Variants in ZNF394 observed in about 807,000 individuals in gnomAD.
ZNF394 encodes zinc finger protein 99.
A neutral mutation model predicts 21.8 loss-of-function variants in ZNF394; 19 were observed. The observed-to-expected ratio is 0.87, with a 90% CI of 0.61 to 1.28. The LOEUF (loss-of-function observed/expected upper bound fraction) is 1.28. Among genes scored for constraint, ZNF394 ranks in the 50% most tolerant of loss-of-function variants. The pLI is 0.00. For synonymous variants in ZNF394, 294 were observed against 273.3 expected (o/e 1.08, Z -0.75); for missense variants, 683 against 708.6 (o/e 0.96, Z 0.41).
Position 99,486,666 on chromosome 7 carries a change from G to C in ZNF394, n.381C>G, listed in dbSNP as rs139820028. Reference sequence around the variant, plus strand: ...CTACTAGTGGTGATGAATACAGCAGGGGCTTCCTTCAAAACCTTAACCTTA... The same window carrying C: ...CTACTAGTGGTGATGAATACAGCAGCGGCTTCCTTCAAAACCTTAACCTTA... On this transcript the variant is annotated non_coding_transcript_exon_variant, in exon 2 of 2. Coordinates refer to the ZNF394 transcript ENST00000462024. 44 of 1,614,018 alleles carry C rather than the reference G, an allele frequency of 2.7e-5. No individual in the cohort carries two copies. Among genetic ancestry groups the C allele is most frequent in the African/African-American group, 4.0e-5 (3 of 74,894 alleles).
chr7:99,491,214 T>C (rs1204661822), downstream of ZNF394, among the ~76,000 whole-genome samples: 1 of 152,178 alleles, frequency 6.6e-6, no homozygotes, highest in Non-Finnish European at 1.5e-5. Flanking sequence ...GATTCTTATG[T>C]TCTATTTTAT....
At chr7:99,491,759 G>GAGGA (rs540866996), downstream of ZNF394, among the ~76,000 whole-genome samples, 1 of 113,284 alleles carries the variant, frequency 8.8e-6, no homozygotes, top group African/African-American at 3.7e-5. Flanking sequence ...CTGGGCGACA[G>GAGGA]AGAATCTGTC....
At chr7:99,490,624 CTTTT>C (rs35117471), downstream of ZNF394, among the ~76,000 whole-genome samples, 7 of 141,176 alleles carry the variant, frequency 5.0e-5, no homozygotes, top group African/African-American at 1.3e-4. Flanking sequence ...AAAGTGAGAC[CTTTT>C]TTTTTTTTTT....
Position 99,499,876 on chromosome 7 carries a change from T to C in ZNF394, c.218A>G (p.Gln73Arg). The change falls in exon 1 of 3, where the codon CAG becomes CGG. Residue 73 changes from glutamine (Q) to arginine (R), a missense_variant. Coordinates refer to ENST00000337673, the MANE Select transcript of ZNF394 (RefSeq NM_032164.4). ...SRLHFRQLRYQEVAGPEEALS... is the reference protein window; with the variant it reads ...SRLHFRQLRYREVAGPEEALS... ...CGCCTCTTCCGGTCCAGCCACCTCCTGGTAACGCAGCTGCCTAAAGTGCAG... is the reference window on the plus strand; with the variant it reads ...CGCCTCTTCCGGTCCAGCCACCTCCCGGTAACGCAGCTGCCTAAAGTGCAG... 1.2e-6 allele frequency: 2 copies of C among 1,614,162 alleles called. No individual in the cohort carries two copies. The highest frequency in any genetic ancestry group is 1.1e-5 in the South Asian group (1 of 91,088).
Position 99,493,529 on chromosome 7 carries a change from T to C in ZNF394, c.1686A>G (p.Ter562=), listed in dbSNP as rs202201067. ...GCCTTGGCCTCCCAAAGTGCTGGGATTATAGGCGTGAGCCACCACGCCCAG... is the reference window on the plus strand; with the variant it reads ...GCCTTGGCCTCCCAAAGTGCTGGGACTATAGGCGTGAGCCACCACGCCCAG... ...LSAGRGGSRL[*] Residue 562 remains the stop codon, a stop_retained_variant, in exon 3 of 3, where the codon TAA becomes TAG. Coordinates refer to ENST00000337673, the MANE Select transcript of ZNF394 (RefSeq NM_032164.4). The C allele has an allele frequency of 6.7e-4, 1,066 of 1,595,372 alleles. 15 individuals are homozygous for C. The South Asian group carries it at 8.5e-3, about 13-fold the overall frequency.
chr7:99,494,129 G>C lies in ZNF394; in HGVS notation c.1086C>G (p.Asn362Lys). The C allele has an allele frequency of 6.2e-7, 1 of 1,614,238 alleles. No individual in the cohort carries two copies. Among genetic ancestry groups the C allele is most frequent in the Non-Finnish European group, 8.5e-7 (1 of 1,180,046 alleles). Reference sequence around the variant, plus strand: ...AGCGTTGTTTGAAACTCTTCCCACAGTTACCACATTTATAAGGTCTTTCTT... The same window carrying C: ...AGCGTTGTTTGAAACTCTTCCCACACTTACCACATTTATAAGGTCTTTCTT... ...LHEERPYKCG[N>K]CGKSFKQRSD... The change falls in exon 3 of 3, where the codon AAC becomes AAG. Residue 362 changes from asparagine (N) to lysine (K), a missense_variant. This residue lies in a region of ZNF394 where 274 missense variants were observed against 314.1 expected (regional missense o/e 0.87). Coordinates refer to ENST00000337673, the MANE Select transcript of ZNF394 (RefSeq NM_032164.4).
At chr7:99,488,467 A>G (rs557877758), downstream of ZNF394, among the ~76,000 whole-genome samples, 92 of 151,020 alleles carry the variant, frequency 6.1e-4, no homozygotes, top group Non-Finnish European at 9.9e-4. Flanking sequence ...ACACCACTGC[A>G]CTCCAGCCTC....
intron 2 of ZNF394, 43 bp from the exon 3 acceptor site, chr7:99,494,674 C>T: frequency 2.0e-6 from 3 of 1,528,386 alleles, no homozygotes; most frequent in Non-Finnish European, 1.8e-6. Context: ...CATCCCTGTG[C>T]AACACAGAAA....
At position 99,493,501 on chromosome 7, in the gene ZNF394, C is replaced by T; in HGVS notation, c.*28G>A. ...CAAACTCCTGATCTCAAATGATCTG[C>T]CTGCCTTGGCCTCCCAAAGTGCTGG... On this transcript the variant is annotated 3_prime_UTR_variant, in exon 3 of 3. Coordinates refer to ENST00000337673, the MANE Select transcript of ZNF394 (RefSeq NM_032164.4). 3.3e-6 allele frequency: 5 copies of T among 1,531,798 alleles called. No individual in the cohort carries two copies. Among genetic ancestry groups the T allele is most frequent in the African/African-American group, 1.4e-5 (1 of 72,486 alleles). The allele number at this position is 1,531,798 out of a possible 1,614,324, so 94.9% of individuals were successfully genotyped here.
chr7:99,489,456 G>A (rs557750271), downstream of ZNF394, among the ~76,000 whole-genome samples: 40 of 152,118 alleles, frequency 2.6e-4, no homozygotes, highest in Non-Finnish European at 7.4e-5. Flanking sequence ...ACCAATCATC[G>A]ATGGGAATTT....
chr7:99,497,122 G>GTGTGTGTGTGTGTA (rs1322382800), intron 2 of ZNF394, among the ~76,000 whole-genome samples: 11 of 79,438 alleles, frequency 1.4e-4, no homozygotes, highest in African/African-American at 8.1e-4. Flanking sequence ...GTGTGTGTGT[G>GTGTGTGTGTGTGTA]TATATATATA....
At chr7:99,487,165 G>C in intron 1 of ZNF394, 1 of 1,614,156 alleles carries the variant, frequency 6.2e-7, no homozygotes, top group South Asian at 1.1e-5. Flanking sequence ...CCTTGAGTGT[G>C]GAAAAGCCTT....
chr7:99,487,554 G>T, intron 1 of ZNF394: 1 of 1,511,704 alleles, frequency 6.6e-7, no homozygotes, highest in Non-Finnish European at 8.9e-7. Context: ...TGTGTATCAC[G>T]TAATTGTTTC....
intron 1 of ZNF394, among the ~76,000 whole-genome samples, chr7:99,488,098 G>C (rs1034720947): frequency 1.4e-5 from 2 of 143,766 alleles, no homozygotes; most frequent in African/African-American, 5.4e-5. Flanking sequence ...AAAAAACAGA[G>C]AAAAGGTTAT....
rs749634853 is a variant in ZNF394, at chr7:99,494,596, G to C, written c.619C>G (p.Pro207Ala). 1.1e-5 allele frequency: 18 copies of C among 1,602,194 alleles called. No homozygotes were observed. Among genetic ancestry groups the C allele is most frequent in the Non-Finnish European group, 1.4e-5 (17 of 1,176,396 alleles). The change falls in exon 3 of 3, where the codon CCA becomes GCA. Residue 207 changes from proline (P) to alanine (A), a missense_variant. By Grantham distance (27) the Pro-to-Ala change is conservative. Around this residue, in one of 3 missense-constraint regions of ZNF394, gnomAD observed 402 missense variants for 373.8 expected, o/e 1.08. Transcript: ENST00000337673. ...ESRVENKELI[P>A]MQQILEEAEP... ...GCTTCTTCTAAAATTTGTTGCATTGGAATCAACTCTTTGTTCTCCACTCTG... is the reference window on the plus strand; with the variant it reads ...GCTTCTTCTAAAATTTGTTGCATTGCAATCAACTCTTTGTTCTCCACTCTG...
chr7:99,499,925 A>G lies in ZNF394; in HGVS notation c.169T>C (p.Ser57Pro), dbSNP rs1800466153. 1 of 1,614,084 alleles carries G rather than the reference A, an allele frequency of 6.2e-7. No individual in the cohort carries two copies. The part of the protein sequence containing the change: ...GSWEPNYPAA[S>P]PDPETSRLHF... ...AGTCGAGAAGTTTCGGGGTCCGGCG[A>G]AGCCGCGGGATAGTTGGGCTCCCAA... Residue 57 changes from serine to proline, a missense_variant, in exon 1 of 3, where the codon TCG becomes CCG. Transcript: ENST00000337673.
In ZNF394 at chr7:99,493,931, G is replaced by A. The variant is rs749059749; in HGVS notation, c.1284C>T (p.His428=). The change falls in exon 3 of 3, where the codon CAC becomes CAT. Residue 428 remains histidine (H), a synonymous_variant. Coordinates refer to ENST00000337673, the MANE Select transcript of ZNF394 (RefSeq NM_032164.4). ...TGTGGGTACTTTGATGACGATTTAG[G>A]TGTGAATTCTGCCTGAAGCGCTCCC... ...KCGERFRQNS[H]LNRHQSTHSR... 2.8e-5 allele frequency: 45 copies of A among 1,614,116 alleles called. No homozygotes were observed. Among genetic ancestry groups the A allele is most frequent in the African/African-American group, 5.3e-5 (4 of 74,940 alleles).
Position 99,500,210 on chromosome 7 carries a change from AC to A in ZNF394, c.-118del. ...GGTCCCAAACACCGGGCCCCACCAC[AC>A]CAGGCCCCTCTCCACACTCTCCTTT... On this transcript the variant is annotated 5_prime_UTR_variant, in exon 1 of 3. Coordinates refer to ENST00000337673, the MANE Select transcript of ZNF394 (RefSeq NM_032164.4). 1 of 949,476 alleles carries A rather than the reference AC, an allele frequency of 1.1e-6. No individual in the cohort carries two copies. Among genetic ancestry groups the A allele is most frequent in the Non-Finnish European group, 1.5e-6 (1 of 659,826 alleles). The allele number at this position is 949,476 out of a possible 1,614,324, so 58.8% of individuals were successfully genotyped here.
downstream of ZNF394, among the ~76,000 whole-genome samples, chr7:99,489,397 T>C (rs920882766): frequency 6.6e-6 from 1 of 152,168 alleles, no homozygotes; most frequent in Admixed American, 6.5e-5. Flanking sequence ...TGACTGTGTC[T>C]GCACCTTGTG....
Sources: gnomAD v4.1 joint callset for allele counts (sites outside exome capture counted in the v4.1 genomes callset) on GRCh38, gnomAD v4.1.1 for gene constraint, gnomAD v4.1.1 regional missense constraint, MANE v1.5 for transcripts, NCBI Gene and HGNC (gene_info 2026-07-23, HGNC 2026-07-21) for gene names.